Variants in FRMD4A observed in about 807,000 individuals in gnomAD.
The protein encoded by FRMD4A is FERM domain-containing protein 4A.
Under a neutral mutation model 129.1 loss-of-function variants are expected in FRMD4A, and 29 were observed. The ratio of observed to expected loss-of-function variants is 0.22; its 90% confidence interval spans 0.17 to 0.31. FRMD4A has a LOEUF of 0.31. FRMD4A is among the 10% of genes least tolerant of loss of function. FRMD4A has a pLI of 1.00. For synonymous variants in FRMD4A, 634 were observed against 571.6 expected (o/e 1.11, Z -1.56); for missense variants, 1,272 against 1,375.8 (o/e 0.92, Z 1.19).
At chr10:14,145,623 T>C (rs1052017204) in intron 2 of FRMD4A, among the ~76,000 whole-genome samples, 5 of 152,228 alleles carry the variant, frequency 3.3e-5, no homozygotes, top group Admixed American at 6.5e-5. Flanking sequence ...TTAGTAATAC[T>C]ATCTGCAAAA....
At chr10:14,126,373 G>T (rs902328264) in intron 2 of FRMD4A, among the ~76,000 whole-genome samples, 2 of 152,046 alleles carry the variant, frequency 1.3e-5, no homozygotes, top group Admixed American at 6.5e-5. Context: ...GTTTCATCCT[G>T]TTGGCCAGGA....
intron 2 of FRMD4A, among the ~76,000 whole-genome samples, chr10:14,260,769 A>ATTTGT (rs1844774175): frequency 6.6e-6 from 1 of 152,234 alleles, no homozygotes; most frequent in African/African-American, 2.4e-5. Flanking sequence ...TTGTTAAGGC[A>ATTTGT]AACTATTTCC....
At chr10:14,289,664 T>C (rs1322176738) in intron 2 of FRMD4A, among the ~76,000 whole-genome samples, 2 of 152,098 alleles carry the variant, frequency 1.3e-5, no homozygotes, top group Non-Finnish European at 2.9e-5. Flanking sequence ...GCTAACACCA[T>C]CATCAATGAT....
At chr10:13,953,116 T>C (rs1588514093) in intron 2 of FRMD4A, among the ~76,000 whole-genome samples, 1 of 152,304 alleles carries the variant, frequency 6.6e-6, no homozygotes, top group East Asian at 1.9e-4. Flanking sequence ...CTGTAGCCCA[T>C]ATGGGAAGTA....
Position 13,694,035 on chromosome 10 carries a change from T to A in FRMD4A, c.980A>T (p.Lys327Ile). ...ACTCAGGCTGCGTGCTGCATGGATT[T>A]TGGACTGGAATGGAAAGGGAAGCAG... is the stretch of plus-strand genomic sequence containing the variant. ...FYLDRKQSKS[K>I]IHAARSLSEI... Residue 327 changes from lysine to isoleucine, a missense_variant, in exon 15 of 25, where the codon AAA (lysine) becomes ATA (isoleucine). Coordinates refer to ENST00000357447, the MANE Select transcript of FRMD4A (RefSeq NM_018027.5). The A allele has an allele frequency of 2.6e-6, 4 of 1,509,572 alleles. No homozygotes were observed. The highest frequency in any genetic ancestry group is 3.5e-6 in the Non-Finnish European group (4 of 1,130,706). The allele number at this position is 1,509,572 out of a possible 1,614,324, so 93.5% of individuals were successfully genotyped here.
chr10:13,859,558 G>A (rs978044517), intron 2 of FRMD4A, among the ~76,000 whole-genome samples: 21 of 152,098 alleles, frequency 1.4e-4, no homozygotes, highest in African/African-American at 4.3e-4. Flanking sequence ...GGGGTGGTGG[G>A]TGTTGTTCAT....
intron 2 of FRMD4A, among the ~76,000 whole-genome samples, chr10:14,327,497 A>G (rs1843324079): frequency 6.6e-6 from 1 of 152,256 alleles, no homozygotes; most frequent in Admixed American, 6.5e-5. Context: ...AGGCAGAGAA[A>G]GGAAGGGACA....
chr10:14,283,846 A>T (rs1845597392), intron 2 of FRMD4A, among the ~76,000 whole-genome samples: 1 of 152,250 alleles, frequency 6.6e-6, no homozygotes. Flanking sequence ...TCCTTCATTC[A>T]GATTTATAAC....
At chr10:14,292,966 C>G (rs892901649) in intron 2 of FRMD4A, among the ~76,000 whole-genome samples, 2 of 152,078 alleles carry the variant, frequency 1.3e-5, no homozygotes, top group African/African-American at 2.4e-5. Context: ...AGAGTGAATA[C>G]ATAAGCCACC....
chr10:14,222,268 A>G (rs1437906002), intron 2 of FRMD4A, among the ~76,000 whole-genome samples: 2 of 152,254 alleles, frequency 1.3e-5, no homozygotes, highest in Non-Finnish European at 2.9e-5. Flanking sequence ...CCGAATAATT[A>G]TCAACAAACC....
intron 2 of FRMD4A, among the ~76,000 whole-genome samples, chr10:14,287,121 C>T (rs1272806120): frequency 7.8e-6 from 1 of 128,912 alleles, no homozygotes; most frequent in Non-Finnish European, 1.6e-5. Flanking sequence ...TTGCTGCCAT[C>T]TTGCTCTTTG....
intron 2 of FRMD4A, among the ~76,000 whole-genome samples, chr10:14,128,972 A>G (rs1432479206): frequency 1.3e-5 from 2 of 152,154 alleles, no homozygotes; most frequent in Non-Finnish European, 2.9e-5. Context: ...GACAGACTCA[A>G]CTATGTATGA....
intron 2 of FRMD4A, among the ~76,000 whole-genome samples, chr10:14,322,475 C>T (rs1465874369): frequency 6.6e-6 from 1 of 152,158 alleles, no homozygotes; most frequent in African/African-American, 2.4e-5. Flanking sequence ...GAGCTTGGGG[C>T]AAGGCCTGAG....
At position 13,666,308 on chromosome 10, in the gene FRMD4A, G is replaced by A; in HGVS notation, c.1392C>T (p.Arg464=). The part of the protein sequence containing the change: ...LPKGEEAELE[R]LEREFAIQSQ... ...ACTGAATGGCAAACTCTCGTTCCAGGCGTTCCAGCTCAGCTTCCTGTGGGA... is the reference window on the plus strand; with the variant it reads ...ACTGAATGGCAAACTCTCGTTCCAGACGTTCCAGCTCAGCTTCCTGTGGGA... Residue 464 remains arginine, a synonymous_variant, in exon 18 of 25, where the codon CGC becomes CGT. Coordinates refer to ENST00000357447, the MANE Select transcript of FRMD4A (RefSeq NM_018027.5). 6.2e-7 allele frequency: 1 copy of A among 1,613,794 alleles called. No individual in the cohort carries two copies. The highest frequency in any genetic ancestry group is 8.5e-7 in the Non-Finnish European group (1 of 1,179,716).
At chr10:14,161,765 T>C (rs1329567288) in intron 2 of FRMD4A, among the ~76,000 whole-genome samples, 1 of 152,160 alleles carries the variant, frequency 6.6e-6, no homozygotes, top group Non-Finnish European at 1.5e-5. Flanking sequence ...AGTAGGGTGA[T>C]GATAGCCAAC....
At chr10:13,711,111 G>C (rs1027744817) in intron 12 of FRMD4A, among the ~76,000 whole-genome samples, 4 of 152,186 alleles carry the variant, frequency 2.6e-5, no homozygotes, top group Non-Finnish European at 4.4e-5. Context: ...TAGGAGGGAG[G>C]GGGTGAGCTA....
chr10:14,197,438 A>G lies in FRMD4A; in HGVS notation c.45+132620T>C, dbSNP rs1017467562. On this transcript the variant is annotated intron_variant, in intron 2 of 24. Coordinates refer to ENST00000357447, the MANE Select transcript of FRMD4A (RefSeq NM_018027.5). Reference sequence around the variant, plus strand: ...CTAGCTCGTGGTGCAATCTCAGCTCACTGCAGCCTCCTCCCGTGTTCAAGC... The same window carrying G: ...CTAGCTCGTGGTGCAATCTCAGCTCGCTGCAGCCTCCTCCCGTGTTCAAGC... Among the ~76,000 whole-genome samples, 7 of 152,166 alleles carry G rather than the reference A, an allele frequency of 4.6e-5. No individual in the cohort carries two copies. The South Asian group carries it at 1.4e-3, about 32-fold the overall frequency.
At chr10:14,101,393 G>A (rs971372154) in intron 2 of FRMD4A, among the ~76,000 whole-genome samples, 1 of 152,144 alleles carries the variant, frequency 6.6e-6, no homozygotes, top group Non-Finnish European at 1.5e-5. Flanking sequence ...AGTCTTACGA[G>A]TAGATAAAAT....
At chr10:14,153,730 T>C (rs1840457138) in intron 2 of FRMD4A, among the ~76,000 whole-genome samples, 2 of 152,190 alleles carry the variant, frequency 1.3e-5, no homozygotes. Flanking sequence ...GTGCATTCCC[T>C]AGGTTCTCTG....
Sources: allele counts gnomAD v4.1 joint callset (sites outside exome capture counted in the v4.1 genomes callset), GRCh38; gene constraint gnomAD v4.1.1; transcripts MANE v1.5; gene names NCBI Gene and HGNC (gene_info 2026-07-23, HGNC 2026-07-21).